SPARCL1: variants seen among roughly 807,000 people sequenced by gnomAD.
The protein encoded by SPARCL1 is SPARC like 1.
A neutral mutation model predicts 67.1 loss-of-function variants in SPARCL1; 52 were observed. The ratio of observed to expected loss-of-function variants is 0.78; its 90% CI spans 0.62 to 0.98. The LOEUF (loss-of-function observed/expected upper bound fraction) is 0.98. Ranked by LOEUF, SPARCL1 falls within the 50% of genes least tolerant of loss-of-function variation. The pLI is 0.00. For missense variants in SPARCL1, 717 were observed against 782.4 expected (o/e 0.92, Z 1.00); for synonymous variants, 226 against 267.8 (o/e 0.84, Z 1.52).
intron 1 of SPARCL1, among the ~76,000 whole-genome samples, chr4:87,500,782 G>T (rs908860917): frequency 8.6e-5 from 13 of 151,356 alleles, no homozygotes; most frequent in African/African-American, 2.9e-4. Context: ...TCACACACAC[G>T]TACGCGCGCA....
intron 1 of SPARCL1, among the ~76,000 whole-genome samples, chr4:87,504,515 C>T (rs1433988087): frequency 6.6e-6 from 1 of 151,998 alleles, no homozygotes; most frequent in African/African-American, 2.4e-5. Flanking sequence ...ACAACAACCC[C>T]AGGATGTGGC....
At chr4:87,504,185 T>TGTGGGG (rs1553970328) in intron 1 of SPARCL1, among the ~76,000 whole-genome samples, 1 of 19,064 alleles carries the variant, frequency 5.2e-5, no homozygotes, top group Non-Finnish European at 8.6e-5. Flanking sequence ...GTGTGTGTGG[T>TGTGGGG]GGGGTGGGGG....
intron 1 of SPARCL1, among the ~76,000 whole-genome samples, chr4:87,515,239 C>T (rs1164209620): frequency 2.0e-5 from 3 of 152,158 alleles, no homozygotes; most frequent in Non-Finnish European, 4.4e-5. Context: ...CTGCCTTTTA[C>T]CAGCTAAGAG....
Position 87,486,888 on chromosome 4 carries a change from C to CTTTTTTTTTTTTTTT in SPARCL1, c.1531+3370_1531+3384dup, listed in dbSNP as rs57597004. On this transcript the variant is annotated intron_variant, in intron 7 of 10. Coordinates refer to ENST00000282470, the MANE Select transcript of SPARCL1 (RefSeq NM_004684.6). Reference sequence around the variant, plus strand: ...TCTGAGGCTAGTATTGCAATTCCTGCTTTTTTTTTTTTTTTTTTTTTTTTT... The same window carrying CTTTTTTTTTTTTTTT: ...TCTGAGGCTAGTATTGCAATTCCTGCTTTTTTTTTTTTTTTTTTTTTTTTTTTTTTTTTTTTTTTT... Among the ~76,000 whole-genome samples, 17 of 28,000 alleles carry CTTTTTTTTTTTTTTT rather than the reference C, an allele frequency of 6.1e-4. 6 individuals carry two copies. The highest frequency in any genetic ancestry group is 1.1e-3 in the Non-Finnish European group (15 of 14,154). The allele number at this position is 28,000 out of a possible 152,430, so 18.4% of individuals were successfully genotyped here.
intron 10 of SPARCL1, 114 bp from the exon 11 acceptor site, chr4:87,473,917 G>T: frequency 1.5e-6 from 1 of 650,548 alleles, no homozygotes; most frequent in Non-Finnish European, 2.6e-6. Context: ...GTATAATGGT[G>T]ATCCTCAACT....
chr4:87,480,559 C>T lies in SPARCL1; in HGVS notation c.1669-39G>A, dbSNP rs776910947. 4 of 1,576,058 alleles carry T rather than the reference C, an allele frequency of 2.5e-6. No homozygotes were observed. The African/African-American group carries it at 5.8e-5, about 23-fold the overall frequency. On this transcript the variant is annotated intron_variant, in intron 8 of 10. Coordinates refer to ENST00000282470, the MANE Select transcript of SPARCL1 (RefSeq NM_004684.6). ...GGCAGAAGACTGTCAGAGAATCAGA[C>T]AAATGTAATGGACTTGTCACTTGCT...
At chr4:87,491,476 T>A (rs1426616666) in intron 5 of SPARCL1, 142 bp downstream of exon 5, 2 of 740,594 alleles carry the variant, frequency 2.7e-6, no homozygotes, top group Non-Finnish European at 4.9e-6. Context: ...GTCAACAATT[T>A]ATGGGAGCAT....
rs1578089593 is a variant in SPARCL1 at position 87,473,869 on chromosome 4, T to A, written c.1967-66A>T. On this transcript the variant is annotated intron_variant, in intron 10 of 10. Coordinates refer to ENST00000282470, the MANE Select transcript of SPARCL1 (RefSeq NM_004684.6). ...AGCCAGAGTAGTAGCACAAACAATA[T>A]TAGAGTTGGGGGATTAGAGAAACCA... 10 of 1,115,404 alleles carry A rather than the reference T, an allele frequency of 9.0e-6. No individual in the cohort carries two copies. In the East Asian group the frequency reaches 2.4e-4, roughly 26 times the overall value. The allele number at this position is 1,115,404 out of a possible 1,614,324, so 69.1% of individuals were successfully genotyped here.
At chr4:87,500,430 A>G (rs1724797066) in intron 1 of SPARCL1, among the ~76,000 whole-genome samples, 1 of 152,130 alleles carries the variant, frequency 6.6e-6, no homozygotes, top group Non-Finnish European at 1.5e-5. Context: ...CCCACACACC[A>G]GTTATATTAT....
chr4:87,517,997 T>C (rs563758926), intron 1 of SPARCL1, among the ~76,000 whole-genome samples: 21 of 152,336 alleles, frequency 1.4e-4, no homozygotes, highest in Middle Eastern at 3.4e-3. Flanking sequence ...CAGATCGTGG[T>C]CCAAGCTTCT....
At chr4:87,478,997 G>A (rs1037202984) in intron 10 of SPARCL1, among the ~76,000 whole-genome samples, 1 of 152,138 alleles carries the variant, frequency 6.6e-6, no homozygotes, top group South Asian at 2.1e-4. Flanking sequence ...TTAGTGTGTT[G>A]GTAATGGATT....
rs769820174 is a variant in SPARCL1, at chr4:87,473,760, C to A, written c.*15G>T. 7.5e-6 allele frequency: 12 copies of A among 1,598,884 alleles called. No homozygotes were observed. The East Asian group carries it at 2.5e-4, about 33-fold the overall frequency. Reference sequence around the variant, plus strand: ...GAGGAGGATGCTGGAAAGTTGAGTTCTTTAAAATCTTCGTTCAAAACAAGA... The same window carrying A: ...GAGGAGGATGCTGGAAAGTTGAGTTATTTAAAATCTTCGTTCAAAACAAGA... On this transcript the variant is annotated 3_prime_UTR_variant, in exon 11 of 11. Coordinates refer to ENST00000282470, the MANE Select transcript of SPARCL1 (RefSeq NM_004684.6).
intron 3 of SPARCL1, 22 bp downstream of exon 3, chr4:87,494,959 A>G (rs1409013678): frequency 6.4e-7 from 1 of 1,574,560 alleles, no homozygotes; most frequent in East Asian, 2.2e-5. Flanking sequence ...AATTGTATTA[A>G]TATAAATGAT....
intron 2 of SPARCL1, 52 bp from the exon 3 acceptor site, chr4:87,495,179 C>A (rs1354585163): frequency 6.7e-7 from 1 of 1,494,160 alleles, no homozygotes. Flanking sequence ...TGCTAATTTA[C>A]AAATTTGCTA....
At chr4:87,487,612 C>T (rs1380688958) in intron 7 of SPARCL1, among the ~76,000 whole-genome samples, 1 of 152,016 alleles carries the variant, frequency 6.6e-6, no homozygotes, top group African/African-American at 2.4e-5. Flanking sequence ...TGGTGTTCTC[C>T]GTATTTGCTG....
At chr4:87,510,639 T>C (rs771909853) in intron 1 of SPARCL1, among the ~76,000 whole-genome samples, 1 of 151,712 alleles carries the variant, frequency 6.6e-6, no homozygotes, top group Non-Finnish European at 1.5e-5. Context: ...CTTTCGTCAC[T>C]GAAAAAAAAA....
At chr4:87,474,828 C>T (rs919532712) in intron 10 of SPARCL1, among the ~76,000 whole-genome samples, 11 of 151,446 alleles carry the variant, frequency 7.3e-5, no homozygotes, top group African/African-American at 1.2e-4. Flanking sequence ...CTGCAAGCTC[C>T]GCCTCCCGGG....
chr4:87,481,507 G>A (rs1295634415), intron 8 of SPARCL1, among the ~76,000 whole-genome samples: 1 of 152,124 alleles, frequency 6.6e-6, no homozygotes. Context: ...GTCCACTGGA[G>A]CTTCCCTCCT....
At chr4:87,478,503 T>G (rs1316835622) in intron 10 of SPARCL1, among the ~76,000 whole-genome samples, 3 of 151,660 alleles carry the variant, frequency 2.0e-5, no homozygotes, top group African/African-American at 7.3e-5. Flanking sequence ...AGTGTTGGGA[T>G]CTTGGCTTAC....
Sources: gnomAD v4.1 joint callset for allele counts (sites outside exome capture counted in the v4.1 genomes callset) on GRCh38, gnomAD v4.1.1 for gene constraint, MANE v1.5 for transcripts, NCBI Gene and HGNC (gene_info 2026-07-23, HGNC 2026-07-21) for gene names.